The following ADK variants were observed in gnomAD, a reference collection of about 807,000 sequenced individuals.
ADK encodes the protein adenosine kinase, also known as N6,N6-dimethyladenosine kinase.
In ADK, 24 loss-of-function variants were observed where a neutral mutation model predicts 44.7. The ratio of observed to expected loss-of-function variants is 0.54; its 90% confidence interval spans 0.39 to 0.76. The LOEUF (loss-of-function observed/expected upper bound fraction) is 0.76, where lower values mean the gene tolerates loss of function less well. Ranked by LOEUF, ADK falls within the 30% of genes least tolerant of loss-of-function variation. The pLI, the probability that ADK is intolerant of heterozygous loss-of-function variation, is 0.00. For missense variants in ADK, 321 were observed against 425.1 expected (o/e 0.76, Z 2.15); for synonymous variants, 128 against 142.6 (o/e 0.90, Z 0.73).
At chr10:74,251,506 C>T (rs533929589) in intron 3 of ADK, among the ~76,000 whole-genome samples, 1 of 152,104 alleles carries the variant, frequency 6.6e-6, no homozygotes, top group East Asian at 1.9e-4. Flanking sequence ...TGATTACTTC[C>T]TGTGAAGTTT....
At chr10:74,193,813 C>G (rs1256614783) in intron 1 of ADK, among the ~76,000 whole-genome samples, 1 of 151,776 alleles carries the variant, frequency 6.6e-6, no homozygotes, top group Non-Finnish European at 1.5e-5. Flanking sequence ...ATCACAGAAT[C>G]ACTGAAAACC....
intron 9 of ADK, among the ~76,000 whole-genome samples, chr10:74,664,252 A>T (rs1463614223): frequency 6.6e-6 from 1 of 152,214 alleles, no homozygotes; most frequent in Non-Finnish European, 1.5e-5. Context: ...GATATCCAAG[A>T]TTTTAAAATA....
chr10:74,637,527 G>A lies in ADK; in HGVS notation c.878-32656G>A, dbSNP rs192615678. On this transcript the variant is annotated intron_variant, in intron 9 of 10. Transcript: ENST00000539909. ...CAAGAACCAACCATCAGCTATGCTG[G>A]AAGTCTATAATTATGCATTGATATA... 5.0e-3 allele frequency among the ~76,000 whole-genome samples: 765 copies of A among 152,272 alleles called. 8 individuals are homozygous for A. Among genetic ancestry groups the A allele is most frequent in the African/African-American group, 0.018 (728 of 41,546 alleles).
intron 9 of ADK, among the ~76,000 whole-genome samples, chr10:74,626,562 C>G (rs962284694): frequency 6.6e-6 from 1 of 152,134 alleles, no homozygotes; most frequent in Non-Finnish European, 1.5e-5. Flanking sequence ...CTCAGCCTCC[C>G]AAAGTGCTGG....
At chr10:74,599,613 A>G (rs114035474) in intron 8 of ADK, among the ~76,000 whole-genome samples, 107 of 152,350 alleles carry the variant, frequency 7.0e-4, no homozygotes, top group Middle Eastern at 3.4e-3. Context: ...AAATTATCCA[A>G]AATGGTTGAA....
chr10:74,161,927 G>A (rs1321686974), intron 1 of ADK, among the ~76,000 whole-genome samples: 2 of 152,074 alleles, frequency 1.3e-5, no homozygotes, highest in African/African-American at 4.8e-5. Flanking sequence ...TGCCCAGGCT[G>A]GTCTTGAACT....
chr10:74,705,918 G>A (rs1320207244), intron 10 of ADK, among the ~76,000 whole-genome samples: 2 of 151,986 alleles, frequency 1.3e-5, no homozygotes, highest in African/African-American at 2.4e-5. Flanking sequence ...TGCTTATTTG[G>A]CATCTATCTT....
chr10:74,286,623 G>T (rs1847170966), intron 3 of ADK, among the ~76,000 whole-genome samples: 2 of 152,180 alleles, frequency 1.3e-5, no homozygotes, highest in African/African-American at 4.8e-5. Flanking sequence ...AATCTTGCTA[G>T]ACACAACAGA....
chr10:74,250,640 G>C (rs1845617333), intron 3 of ADK, among the ~76,000 whole-genome samples: 1 of 152,266 alleles, frequency 6.6e-6, no homozygotes, highest in Middle Eastern at 3.4e-3. Context: ...GTGAGAAGTT[G>C]AGGCTATGGA....
At chr10:74,413,653 C>T (rs1844265943) in intron 6 of ADK, among the ~76,000 whole-genome samples, 1 of 152,306 alleles carries the variant, frequency 6.6e-6, no homozygotes, top group Admixed American at 6.5e-5. Flanking sequence ...CAGCAATAAG[C>T]TTATTTCACT....
intron 6 of ADK, among the ~76,000 whole-genome samples, chr10:74,512,201 T>C (rs1197166490): frequency 6.6e-6 from 1 of 152,136 alleles, no homozygotes; most frequent in Non-Finnish European, 1.5e-5. Flanking sequence ...TTTGCTAGTA[T>C]TTTGTTGTGG....
At chr10:74,434,798 A>G (rs1411914432) in intron 6 of ADK, among the ~76,000 whole-genome samples, 1 of 152,180 alleles carries the variant, frequency 6.6e-6, no homozygotes. Flanking sequence ...GGCCTAGTGC[A>G]GGAGCTTAGT....
chr10:74,456,095 C>G (rs1338516500), intron 6 of ADK, among the ~76,000 whole-genome samples: 1 of 152,040 alleles, frequency 6.6e-6, no homozygotes. Flanking sequence ...TAGTGGGAGA[C>G]TTTAACACCC....
At chr10:74,397,215 C>T (rs1030676556) in intron 5 of ADK, among the ~76,000 whole-genome samples, 1 of 151,216 alleles carries the variant, frequency 6.6e-6, no homozygotes, top group African/African-American at 2.4e-5. Flanking sequence ...TCTTTCTTTC[C>T]TTCATTTACT....
chr10:74,586,176 A>T (rs180815047), intron 7 of ADK, among the ~76,000 whole-genome samples: 1 of 152,336 alleles, frequency 6.6e-6, no homozygotes, highest in East Asian at 1.9e-4. Context: ...ATCAGAGGTT[A>T]GCTGTGGGAA....
chr10:74,315,479 T>G (rs1445452186), intron 4 of ADK, among the ~76,000 whole-genome samples: 1 of 152,178 alleles, frequency 6.6e-6, no homozygotes, highest in Non-Finnish European at 1.5e-5. Flanking sequence ...TAATCTTGAT[T>G]GAGAGAGTTA....
intron 6 of ADK, among the ~76,000 whole-genome samples, chr10:74,424,458 T>A (rs1334354894): frequency 1.5e-5 from 2 of 134,848 alleles, no homozygotes; most frequent in African/African-American, 2.8e-5. Context: ...TGCTTGAACC[T>A]GGGAGGTGGA....
chr10:74,282,645 T>C (rs1216714225), intron 3 of ADK, among the ~76,000 whole-genome samples: 4 of 152,198 alleles, frequency 2.6e-5, no homozygotes, highest in Non-Finnish European at 5.9e-5. Context: ...ATGAGAACAC[T>C]GGAAGCTTCC....
At chr10:74,208,547 TAAAA>T (rs1318629171) in intron 2 of ADK, among the ~76,000 whole-genome samples, 2 of 152,174 alleles carry the variant, frequency 1.3e-5, no homozygotes. Context: ...TACTTGAAGA[TAAAA>T]AACAAGTCTT....
Sources: gnomAD v4.1 joint callset for allele counts (sites outside exome capture counted in the v4.1 genomes callset) on GRCh38, gnomAD v4.1.1 for gene constraint, MANE v1.5 for transcripts, NCBI Gene and HGNC (gene_info 2026-07-23, HGNC 2026-07-21) for gene names.